The following TNRC18 variants were observed in gnomAD, a reference collection of about 807,000 sequenced individuals.
The protein encoded by TNRC18 is trinucleotide repeat-containing gene 18 protein.
A neutral mutation model predicts 226.7 loss-of-function variants in TNRC18; 69 were observed. The ratio of observed to expected loss-of-function variants is 0.30; its 90% CI spans 0.25 to 0.37. The LOEUF (loss-of-function observed/expected upper bound fraction) is 0.37. Among genes scored for constraint, TNRC18 ranks in the 10% least tolerant of loss-of-function variants. The pLI is 1.00. For missense variants in TNRC18, 4,754 were observed against 4,256.6 expected, an observed-to-expected ratio of 1.12 and a Z score of -3.25; for synonymous variants, 2,449 against 1,927.6, an observed-to-expected ratio of 1.27 and a Z score of -7.09.
At position 5,421,347 on chromosome 7, in the gene TNRC18, G is replaced by A. The variant is rs1482483206; in HGVS notation, c.-101C>T. Reference sequence around the variant, plus strand: ...CGGCGTAGTCCCAGAGTCCTCGGGCGGCGGGGGCTCCGCGGCGTGCATGGC... The same window carrying A: ...CGGCGTAGTCCCAGAGTCCTCGGGCAGCGGGGGCTCCGCGGCGTGCATGGC... On this transcript the variant is annotated 5_prime_UTR_variant, in exon 2 of 30. Transcript: ENST00000430969. The A allele has an allele frequency of 9.0e-7, 1 of 1,108,994 alleles. No individual in the cohort carries two copies. The allele number at this position is 1,108,994 out of a possible 1,614,324, so 68.7% of individuals were successfully genotyped here. A position where few individuals can be genotyped will look rare whatever the true frequency, so the allele number is the denominator to read the frequency against.
intron 19 of TNRC18, among the ~76,000 whole-genome samples, chr7:5,328,309 G>A (rs1184833852): frequency 6.6e-6 from 1 of 152,136 alleles, no homozygotes; most frequent in Middle Eastern, 3.2e-3. Flanking sequence ...GACTGCTTGA[G>A]CCCAGGAGTT....
chr7:5,343,890 A>G (rs1186827440), intron 18 of TNRC18, among the ~76,000 whole-genome samples: 1 of 152,228 alleles, frequency 6.6e-6, no homozygotes, highest in Non-Finnish European at 1.5e-5. Context: ...ATGGTTTGGA[A>G]GCAATCCTGC....
At chr7:5,362,505 G>T in intron 12 of TNRC18, 145 bp downstream of exon 12, 1 of 741,952 alleles carries the variant, frequency 1.3e-6, no homozygotes, top group Non-Finnish European at 2.1e-6. Flanking sequence ...GGACCACACA[G>T]CACATCAGCA....
At chr7:5,310,064 G>T (rs888058513) in intron 27 of TNRC18, among the ~76,000 whole-genome samples, 1 of 151,842 alleles carries the variant, frequency 6.6e-6, no homozygotes, top group Non-Finnish European at 1.5e-5. Context: ...AGGAATCCAC[G>T]GCTAATATTT....
intron 5 of TNRC18, among the ~76,000 whole-genome samples, chr7:5,384,690 G>A (rs1036351031): frequency 6.6e-6 from 1 of 152,088 alleles, no homozygotes; most frequent in African/African-American, 2.4e-5. Flanking sequence ...TCCCAGGGGG[G>A]CCCACAGCCC....
intron 3 of TNRC18, among the ~76,000 whole-genome samples, chr7:5,392,851 C>G (rs189572089): frequency 2.0e-5 from 3 of 151,898 alleles, no homozygotes; most frequent in East Asian, 1.9e-4. Flanking sequence ...CCACCAAAAA[C>G]GAATACAGTA....
intron 18 of TNRC18, among the ~76,000 whole-genome samples, chr7:5,341,933 T>C (rs1790728649): frequency 6.6e-6 from 1 of 152,178 alleles, no homozygotes; most frequent in Non-Finnish European, 1.5e-5. Context: ...ACCCAAGAGC[T>C]CTGAGGGAGA....
Position 5,388,317 on chromosome 7 carries a change from G to A in TNRC18, c.1507C>T (p.Pro503Ser), listed in dbSNP as rs781189321. The change falls in exon 5 of 30, where the codon CCC becomes TCC. Residue 503 changes from proline (P) to serine (S), a missense_variant. Coordinates refer to ENST00000430969, the MANE Select transcript of TNRC18 (RefSeq NM_001080495.3). ...LFGLEPGRPP[P>S]TGPEHKWKPF... is the part of the protein sequence containing the mutation. ...TTCCATTTATGCTCAGGGCCGGTGG[G>A]CGGGGGGCGCCCGGGCTCCAGGCCG... 2 of 1,603,558 alleles carry A rather than the reference G, an allele frequency of 1.2e-6. No homozygotes were observed. Among genetic ancestry groups the A allele is most frequent in the South Asian group, 2.2e-5 (2 of 90,016 alleles).
intron 5 of TNRC18, among the ~76,000 whole-genome samples, chr7:5,385,068 C>T (rs991593967): frequency 1.3e-5 from 2 of 152,326 alleles, no homozygotes; most frequent in Admixed American, 6.5e-5. Context: ...GGTGGCTCCA[C>T]CGGGAGGTGA....
intron 16 of TNRC18, among the ~76,000 whole-genome samples, chr7:5,353,644 G>A (rs988304032): frequency 5.3e-5 from 8 of 150,988 alleles, no homozygotes; most frequent in African/African-American, 9.7e-5. Context: ...GACCGTTCTC[G>A]CTTCGACCTC....
At chr7:5,375,948 G>A (rs773361231) in intron 9 of TNRC18, 86 bp downstream of exon 9, 5 of 1,344,682 alleles carry the variant, frequency 3.7e-6, no homozygotes, top group South Asian at 2.7e-5. Flanking sequence ...CCCTGTAACT[G>A]TCTGGAGATT....
At chr7:5,339,671 G>A (rs1287207054) in intron 18 of TNRC18, among the ~76,000 whole-genome samples, 1 of 151,952 alleles carries the variant, frequency 6.6e-6, no homozygotes, top group East Asian at 1.9e-4. Flanking sequence ...CCAGGTTCAA[G>A]CGATTCTCCT....
intron 19 of TNRC18, among the ~76,000 whole-genome samples, chr7:5,330,431 A>G (rs1262117793): frequency 1.3e-5 from 2 of 148,470 alleles, no homozygotes; most frequent in Non-Finnish European, 3.0e-5. Flanking sequence ...TTTTTGGTAG[A>G]GGCAGGGTCT....
intron 11 of TNRC18, among the ~76,000 whole-genome samples, chr7:5,367,897 GGGCCATCTGACCATGACA>G (rs1343833089): frequency 6.6e-6 from 1 of 152,136 alleles, no homozygotes; most frequent in Non-Finnish European, 1.5e-5. Flanking sequence ...GCTTCCTTGA[GGGCCATCTGACCATGACA>G]GTCACAAAGC....
In TNRC18 at chr7:5,362,712, G is replaced by T; in HGVS notation, c.4333C>A (p.Arg1445=). The change falls in exon 12 of 30, where the codon CGG becomes AGG. Residue 1445 remains arginine, a synonymous_variant. Transcript: ENST00000430969. ...TTGGGCTTCAGCTCCCGCGGGAGCC[G>T]CAGGTTCTTGAGTGGGTCCACCACG... ...GPVVDPLKNL[R]LPRELKPNKK... 3 of 1,580,162 alleles carry T rather than the reference G, an allele frequency of 1.9e-6. No homozygotes were observed. The highest frequency in any genetic ancestry group is 2.3e-5 in the East Asian group (1 of 43,044).
At chr7:5,371,957 G>A (rs1173657666) in intron 10 of TNRC18, among the ~76,000 whole-genome samples, 1 of 152,200 alleles carries the variant, frequency 6.6e-6, no homozygotes, top group Non-Finnish European at 1.5e-5. Flanking sequence ...GAACGCAACG[G>A]CGCCATCTCA....
chr7:5,343,375 C>T (rs1033926265), intron 18 of TNRC18, among the ~76,000 whole-genome samples: 2 of 152,120 alleles, frequency 1.3e-5, no homozygotes, highest in African/African-American at 4.8e-5. Flanking sequence ...AGACATAATA[C>T]TATTGCACAC....
chr7:5,343,195 A>G (rs983527024), intron 18 of TNRC18, among the ~76,000 whole-genome samples: 1 of 152,024 alleles, frequency 6.6e-6, no homozygotes, highest in Admixed American at 6.6e-5. Context: ...CTCTATTAAA[A>G]ATACAAAAAT....
At chr7:5,405,998 C>A (rs1309854773) in intron 2 of TNRC18, among the ~76,000 whole-genome samples, 1 of 152,152 alleles carries the variant, frequency 6.6e-6, no homozygotes, top group Admixed American at 6.5e-5. Context: ...TCACAACAGT[C>A]AAAGGGTAGA....
Sources: allele counts gnomAD v4.1 joint callset (sites outside exome capture counted in the v4.1 genomes callset), GRCh38; gene constraint gnomAD v4.1.1; transcripts MANE v1.5; gene names NCBI Gene and HGNC (gene_info 2026-07-23, HGNC 2026-07-21).